PSPC1: variants seen among roughly 807,000 people sequenced by gnomAD.
The protein encoded by PSPC1 is paraspeckle protein 1.
PSPC1 carries 14 observed loss-of-function variants against 51.6 expected under a neutral mutation model. The ratio of observed to expected loss-of-function variants is 0.27; its 90% CI spans 0.18 to 0.42. The LOEUF is 0.42. Among genes scored for constraint, PSPC1 ranks in the 10% least tolerant of loss-of-function variants. The pLI is 1.00. For missense variants in PSPC1, 406 were observed against 701.1 expected, an observed-to-expected ratio of 0.58 and a Z score of 4.75; for synonymous variants, 193 against 231.9, an observed-to-expected ratio of 0.83 and a Z score of 1.53.
intron 4 of PSPC1, among the ~76,000 whole-genome samples, chr13:19,743,103 G>A (rs1464191192): frequency 1.3e-5 from 2 of 152,170 alleles, no homozygotes; most frequent in African/African-American, 4.8e-5. Context: ...AAGAAGTAGT[G>A]TATAAACTTT....
chr13:19,735,700 C>G (rs1410479043), intron 5 of PSPC1, among the ~76,000 whole-genome samples: 3 of 152,152 alleles, frequency 2.0e-5, no homozygotes, highest in East Asian at 1.9e-4. Flanking sequence ...GCAGCCTCAG[C>G]CAGATAAATC....
chr13:19,740,445 A>T (rs1885320011), intron 5 of PSPC1, among the ~76,000 whole-genome samples: 1 of 152,218 alleles, frequency 6.6e-6, no homozygotes. Context: ...CAAAATATAC[A>T]GAATATCACC....
chr13:19,724,766 G>A (rs746384878), intron 6 of PSPC1, among the ~76,000 whole-genome samples: 4 of 152,098 alleles, frequency 2.6e-5, no homozygotes, highest in East Asian at 1.9e-4. Flanking sequence ...TTGGGAGGCC[G>A]AGCGGGCGGA....
intron 6 of PSPC1, among the ~76,000 whole-genome samples, chr13:19,693,523 T>C (rs1305839683): frequency 6.6e-6 from 1 of 152,226 alleles, no homozygotes; most frequent in Non-Finnish European, 1.5e-5. Context: ...AAATGACGGA[T>C]ATTCTAGAAG....
intron 6 of PSPC1, among the ~76,000 whole-genome samples, chr13:19,717,625 GA>G (rs1393914586): frequency 6.9e-6 from 1 of 145,892 alleles, no homozygotes; most frequent in Non-Finnish European, 1.5e-5. Context: ...AAAATCGCTT[GA>G]AACCAGAAGG....
chr13:19,686,512 C>T (rs539179420), intron 6 of PSPC1, among the ~76,000 whole-genome samples: 1 of 152,230 alleles, frequency 6.6e-6, no homozygotes, highest in East Asian at 1.9e-4. Flanking sequence ...AATACAGAAA[C>T]TTCTGGAAGG....
At chr13:19,750,516 A>G (rs1186318891) in intron 4 of PSPC1, among the ~76,000 whole-genome samples, 1 of 151,948 alleles carries the variant, frequency 6.6e-6, no homozygotes, top group Non-Finnish European at 1.5e-5. Flanking sequence ...CCCCATATCA[A>G]TGTGTACAAA....
At chr13:19,696,509 AC>A (rs1221800431) in intron 6 of PSPC1, among the ~76,000 whole-genome samples, 7 of 149,322 alleles carry the variant, frequency 4.7e-5, no homozygotes. Flanking sequence ...GCACACACAC[AC>A]ACACATACGC....
In PSPC1 at chr13:19,782,689, C is replaced by T; in HGVS notation, c.69G>A (p.Glu23=). 2 of 1,572,078 alleles carry T rather than the reference C, an allele frequency of 1.3e-6. No homozygotes were observed. Among genetic ancestry groups the T allele is most frequent in the Admixed American group, 1.9e-5 (1 of 52,810 alleles). The change falls in exon 1 of 9, where the codon GAG becomes GAA. Residue 23 remains glutamate, a synonymous_variant. Transcript: ENST00000338910. This position sits in a 1 kb window ranked among gnomAD's most constrained non-coding sequence, Gnocchi z 4.5. ...EKNPARLRAL[E]SAVGESEPAA... ...CCGGCTCGCTCTCGCCCACCGCGGA[C>T]TCCAGGGCGCGAAGGCGGGCCGGGT...
intron 6 of PSPC1, among the ~76,000 whole-genome samples, chr13:19,721,389 CA>C (rs1405852541): frequency 6.6e-6 from 1 of 151,996 alleles, no homozygotes; most frequent in Non-Finnish European, 1.5e-5. Context: ...TCCGATTGCT[CA>C]AAAAAGAGTT....
rs973156491 is a variant in PSPC1 at position 19,733,710 on chromosome 13, C to T, written c.1053-3366G>A. ...CCTGGGAGGCGGAGGTTGCAGTGAGCTGAGATCATGCCACTGCACTGCAGC... is the reference window on the plus strand; with the variant it reads ...CCTGGGAGGCGGAGGTTGCAGTGAGTTGAGATCATGCCACTGCACTGCAGC... On this transcript the variant is annotated intron_variant, in intron 5 of 8. Coordinates refer to ENST00000338910, the MANE Select transcript of PSPC1 (RefSeq NM_001354909.2). Among the ~76,000 whole-genome samples the T allele has an allele frequency of 2.0e-5, 3 of 151,630 alleles. No homozygotes were observed. In the South Asian group the frequency reaches 6.2e-4, roughly 32 times the overall value.
intron 1 of PSPC1, among the ~76,000 whole-genome samples, chr13:19,779,849 C>T (rs1593797782): frequency 2.8e-5 from 3 of 107,950 alleles, no homozygotes; most frequent in Non-Finnish European, 5.9e-5. Flanking sequence ...CCGCCCCATC[C>T]GGGAGGGAGG....
At chr13:19,676,166 T>C (rs1876614101) in intron 7 of PSPC1, among the ~76,000 whole-genome samples, 1 of 152,220 alleles carries the variant, frequency 6.6e-6, no homozygotes, top group Non-Finnish European at 1.5e-5. Context: ...TTTTTTTTCC[T>C]TTCCCATATA....
intron 3 of PSPC1, among the ~76,000 whole-genome samples, chr13:19,756,144 A>G (rs1244445464): frequency 6.6e-6 from 1 of 152,014 alleles, no homozygotes; most frequent in African/African-American, 2.4e-5. Context: ...AGGGTGAGGG[A>G]CAAGAATCAC....
At chr13:19,709,896 G>T (rs1420564285) in intron 6 of PSPC1, among the ~76,000 whole-genome samples, 1 of 151,450 alleles carries the variant, frequency 6.6e-6, no homozygotes, top group African/African-American at 2.4e-5. Context: ...ACAGATGAAA[G>T]ACACATGCCT....
intron 2 of PSPC1, among the ~76,000 whole-genome samples, chr13:19,762,657 G>A (rs771533386): frequency 5.9e-5 from 9 of 152,100 alleles, no homozygotes; most frequent in Non-Finnish European, 1.2e-4. Context: ...ATTACTTAAG[G>A]GACTGTGTCT....
chr13:19,718,557 T>C (rs1163199359), intron 6 of PSPC1, among the ~76,000 whole-genome samples: 3 of 152,182 alleles, frequency 2.0e-5, no homozygotes, highest in African/African-American at 7.2e-5. Context: ...GTAACCATTT[T>C]GCAAGACAGT....
chr13:19,710,392 A>G (rs1182273714), intron 6 of PSPC1, among the ~76,000 whole-genome samples: 1 of 152,172 alleles, frequency 6.6e-6, no homozygotes. Context: ...TTCTCAAGAT[A>G]ACATAGGAAA....
intron 2 of PSPC1, among the ~76,000 whole-genome samples, chr13:19,772,026 A>T (rs1343246451): frequency 2.0e-5 from 3 of 152,234 alleles, no homozygotes. Flanking sequence ...GAAATAATAC[A>T]AAACACTGCA....
Sources: gnomAD v4.1 joint callset for allele counts (sites outside exome capture counted in the v4.1 genomes callset) on GRCh38, gnomAD v4.1.1 for gene constraint, Gnocchi (gnomAD v3.1) non-coding constraint, MANE v1.5 for transcripts, NCBI Gene and HGNC (gene_info 2026-07-23, HGNC 2026-07-21) for gene names.